NAA25: variants seen among roughly 807,000 people sequenced by gnomAD.
NAA25 encodes the protein N-terminal acetyltransferase B complex subunit NAA25.
NAA25 carries 30 observed loss-of-function variants against 132.5 expected under a neutral mutation model. That is an observed-to-expected ratio of 0.23 (90% CI 0.17 to 0.31). The LOEUF is 0.31. Among genes scored for constraint, NAA25 ranks in the 10% least tolerant of loss-of-function variants. The pLI is 1.00. For missense variants in NAA25, 771 were observed against 1,150.4 expected (o/e 0.67, Z 4.77); for synonymous variants, 359 against 401.9 (o/e 0.89, Z 1.28).
chr12:112,069,173 T>C, intron 10 of NAA25, 181 bp from the exon 11 acceptor site: 1 of 539,192 alleles, frequency 1.9e-6, no homozygotes, highest in Non-Finnish European at 3.3e-6. Flanking sequence ...TGTTCTACTC[T>C]TTCCCCCTTT....
chr12:112,030,210 C>CAA (rs67757055), intron 23 of NAA25, among the ~76,000 whole-genome samples: 1,592 of 53,108 alleles, frequency 0.03, 122 homozygotes, highest in East Asian at 0.045. Flanking sequence ...AAAGCTGTCT[C>CAA]AAAAAAAAAA....
At chr12:112,078,823 T>C (rs898419869) in intron 5 of NAA25, 82 bp from the exon 6 acceptor site, 5 of 1,073,980 alleles carry the variant, frequency 4.7e-6, no homozygotes, top group Non-Finnish European at 5.6e-6. Context: ...ATTGGGCACA[T>C]AATTATCAAT....
At chr12:112,030,157 G>A (rs955348413) in intron 23 of NAA25, among the ~76,000 whole-genome samples, 52 of 134,066 alleles carry the variant, frequency 3.9e-4, no homozygotes, top group African/African-American at 1.4e-3. Context: ...AGGTAGTAGT[G>A]AGCTGAGATC....
At chr12:112,098,119 CA>C (rs60232542) in intron 1 of NAA25, among the ~76,000 whole-genome samples, 62 of 54,164 alleles carry the variant, frequency 1.1e-3, no homozygotes, top group Non-Finnish European at 1.4e-3. Context: ...GACTCCATCT[CA>C]AAAAAAAAAA....
At chr12:112,042,136 T>C (rs2078308893) in intron 19 of NAA25, 32 bp from the exon 20 acceptor site, 1 of 1,154,846 alleles carries the variant, frequency 8.7e-7, no homozygotes, top group African/African-American at 1.6e-5. Flanking sequence ...TGAAAAACTT[T>C]CAATTCTATT....
chr12:112,080,088 G>C (rs1280184584), intron 5 of NAA25, among the ~76,000 whole-genome samples: 1 of 150,990 alleles, frequency 6.6e-6, no homozygotes, highest in African/African-American at 2.4e-5. Flanking sequence ...AGACCATCCT[G>C]GCTAACATGG....
At chr12:112,098,060 G>A (rs1215428887) in intron 1 of NAA25, among the ~76,000 whole-genome samples, 1 of 136,698 alleles carries the variant, frequency 7.3e-6, no homozygotes, top group Non-Finnish European at 1.5e-5. Flanking sequence ...GGCGGAGGTT[G>A]CAATGAGCTG....
intron 1 of NAA25, among the ~76,000 whole-genome samples, chr12:112,104,412 AAAAG>A (rs988256375): frequency 6.6e-6 from 1 of 152,212 alleles, no homozygotes; most frequent in Non-Finnish European, 1.5e-5. Context: ...AAAAAGAAAA[AAAAG>A]AAAGAAAAAT....
chr12:112,074,229 T>C (rs2078859982), intron 9 of NAA25, among the ~76,000 whole-genome samples: 1 of 150,428 alleles, frequency 6.6e-6, no homozygotes, highest in African/African-American at 2.4e-5. Flanking sequence ...TAGTCCCAGC[T>C]ATTCGGGAAG....
In NAA25 at chr12:112,078,102, T is replaced by A. The variant is rs2078919037; in HGVS notation, c.664+86A>T. On this transcript the variant is annotated intron_variant, in intron 7 of 23. Transcript: ENST00000261745. ...GATCAAAAGTGTTTATGTCTTTATA[T>A]CCTTATGTGGAAATTTTCTACAATA... 3.4e-6 allele frequency: 3 copies of A among 889,624 alleles called. No homozygotes were observed. The Admixed American group carries it at 7.0e-5, about 21-fold the overall frequency. The allele number at this position is 889,624 out of a possible 1,614,324, so 55.1% of individuals were successfully genotyped here. A position where few individuals can be genotyped will look rare whatever the true frequency, so the allele number is the denominator to read the frequency against.
At chr12:112,105,866 T>A (rs1213000098) in intron 1 of NAA25, among the ~76,000 whole-genome samples, 1 of 152,208 alleles carries the variant, frequency 6.6e-6, no homozygotes, top group Non-Finnish European at 1.5e-5. Flanking sequence ...TAATCTTACC[T>A]ACCTAATAGG....
intron 21 of NAA25, 86 bp from the exon 22 acceptor site, chr12:112,039,425 C>G: frequency 1.3e-6 from 1 of 774,604 alleles, no homozygotes. Flanking sequence ...TCAACAAATT[C>G]TAACGCAGTT....
intron 10 of NAA25, among the ~76,000 whole-genome samples, chr12:112,071,074 G>A (rs778119653): frequency 6.6e-6 from 1 of 151,566 alleles, no homozygotes; most frequent in Non-Finnish European, 1.5e-5. Flanking sequence ...GGAGAAACGG[G>A]GTTACGGCCA....
At chr12:112,070,732 C>T (rs751780901) in intron 10 of NAA25, among the ~76,000 whole-genome samples, 3 of 151,608 alleles carry the variant, frequency 2.0e-5, no homozygotes, top group East Asian at 1.9e-4. Flanking sequence ...CACGACACCA[C>T]GCTCAGATAA....
chr12:112,032,822 A>T (rs576331128), intron 23 of NAA25, among the ~76,000 whole-genome samples: 1 of 152,180 alleles, frequency 6.6e-6, no homozygotes, highest in Non-Finnish European at 1.5e-5. Context: ...CCTAATTATT[A>T]CTGACATAAT....
chr12:112,099,386 C>A (rs1018294999), intron 1 of NAA25, among the ~76,000 whole-genome samples: 1 of 151,670 alleles, frequency 6.6e-6, no homozygotes, highest in African/African-American at 2.4e-5. Context: ...TTTACTTTTA[C>A]AGTTTTATTT....
chr12:112,053,138 G>A (rs2078491115), intron 15 of NAA25, among the ~76,000 whole-genome samples: 1 of 152,078 alleles, frequency 6.6e-6, no homozygotes, highest in African/African-American at 2.4e-5. Context: ...ATTCACCTTT[G>A]GCAAAGAGCA....
chr12:112,042,749 C>T (rs1042679696), intron 19 of NAA25, among the ~76,000 whole-genome samples: 8 of 152,184 alleles, frequency 5.3e-5, no homozygotes, highest in Admixed American at 4.6e-4. Flanking sequence ...TCAGGTGATC[C>T]GCCTGCCTTG....
intron 22 of NAA25, among the ~76,000 whole-genome samples, chr12:112,038,867 TA>T (rs2078263174): frequency 6.6e-6 from 1 of 152,136 alleles, no homozygotes; most frequent in Non-Finnish European, 1.5e-5. Flanking sequence ...TAATCCCAGC[TA>T]CTCGGGAAGC....
Sources: allele counts gnomAD v4.1 joint callset (sites outside exome capture counted in the v4.1 genomes callset), GRCh38; gene constraint gnomAD v4.1.1; transcripts MANE v1.5; gene names NCBI Gene and HGNC (gene_info 2026-07-23, HGNC 2026-07-21).